Variants in PARD3 observed in about 807,000 individuals in gnomAD.
The protein encoded by PARD3 is partitioning defective 3 homolog.
PARD3 carries 75 observed loss-of-function variants against 155.4 expected under a neutral mutation model. The observed-to-expected ratio is 0.48, with a 90% CI of 0.40 to 0.58. The LOEUF (loss-of-function observed/expected upper bound fraction) is 0.58. PARD3 is among the 20% of genes least tolerant of loss of function. The pLI is 0.00. For synonymous variants in PARD3, 576 were observed against 610.5 expected, an observed-to-expected ratio of 0.94 and a Z score of 0.83; for missense variants, 1,642 against 1,721.7, an observed-to-expected ratio of 0.95 and a Z score of 0.82.
rs191179514 is a variant in PARD3 at position 34,619,204 on chromosome 10, C to T, written c.222+77114G>A. 2.6e-5 allele frequency among the ~76,000 whole-genome samples: 4 copies of T among 152,182 alleles called. No individual in the cohort carries two copies. The East Asian group carries it at 5.8e-4, about 22-fold the overall frequency. ...TAGCTGAAATTACAGGCATGCACCA[C>T]CACGCCTGGCTAAATTTTGTATTTT... On this transcript the variant is annotated intron_variant, in intron 2 of 24. Coordinates refer to ENST00000374788, the MANE Select transcript of PARD3 (RefSeq NM_001184785.2).
intron 2 of PARD3, among the ~76,000 whole-genome samples, chr10:34,609,892 C>G (rs72798446): frequency 0.035 from 5,401 of 152,204 alleles, 160 homozygotes; most frequent in Non-Finnish European, 0.052. Context: ...AGGCAATAAA[C>G]TATGAGACGA....
At chr10:34,597,780 C>A (rs771488131) in intron 2 of PARD3, among the ~76,000 whole-genome samples, 3 of 152,014 alleles carry the variant, frequency 2.0e-5, no homozygotes, top group Non-Finnish European at 4.4e-5. Flanking sequence ...ACACCTTGAC[C>A]CTGGCTGATT....
chr10:34,527,816 C>T (rs112605179), intron 2 of PARD3, among the ~76,000 whole-genome samples: 5 of 152,226 alleles, frequency 3.3e-5, no homozygotes, highest in African/African-American at 1.2e-4. Flanking sequence ...TTTTTAAATA[C>T]CCACCCAGGG....
intron 22 of PARD3, among the ~76,000 whole-genome samples, chr10:34,224,389 C>T (rs562459469): frequency 1.3e-5 from 2 of 152,284 alleles, no homozygotes; most frequent in East Asian, 3.9e-4. Context: ...ACTGAAACTC[C>T]CCCTCAGGGG....
At chr10:34,292,571 T>C (rs1367610629) in intron 20 of PARD3, among the ~76,000 whole-genome samples, 1 of 152,176 alleles carries the variant, frequency 6.6e-6, no homozygotes, top group East Asian at 1.9e-4. Flanking sequence ...TTGGTGGAGT[T>C]TGGCAGAGGT....
chr10:34,583,427 T>G (rs2087687725), intron 2 of PARD3, among the ~76,000 whole-genome samples: 1 of 152,160 alleles, frequency 6.6e-6, no homozygotes, highest in African/African-American at 2.4e-5. Flanking sequence ...TCTCTGGGTT[T>G]TAATTTTTGT....
At chr10:34,757,332 G>A (rs1482703614) in intron 1 of PARD3, among the ~76,000 whole-genome samples, 2 of 152,202 alleles carry the variant, frequency 1.3e-5, no homozygotes, top group African/African-American at 4.8e-5. Context: ...AAATAACTGT[G>A]AGGTGTGACA....
At chr10:34,218,496 C>T (rs1952117572) in intron 22 of PARD3, among the ~76,000 whole-genome samples, 2 of 152,142 alleles carry the variant, frequency 1.3e-5, no homozygotes, top group African/African-American at 4.8e-5. Flanking sequence ...CAACCCTCCA[C>T]AAACCTACTC....
chr10:34,807,532 A>T (rs1419912975), intron 1 of PARD3, among the ~76,000 whole-genome samples: 2 of 152,210 alleles, frequency 1.3e-5, no homozygotes, highest in East Asian at 3.8e-4. Flanking sequence ...CCAAACTCCC[A>T]GTCCTAGCGG....
At chr10:34,246,494 A>C (rs1033895857) in intron 22 of PARD3, among the ~76,000 whole-genome samples, 4 of 152,112 alleles carry the variant, frequency 2.6e-5, no homozygotes, top group African/African-American at 9.7e-5. Flanking sequence ...AGTTGAGGGG[A>C]CAGAATTATG....
At position 34,377,484 on chromosome 10, in the gene PARD3, G is replaced by T. The variant is rs1244881844; in HGVS notation, c.1539+483C>A. 2.6e-5 allele frequency among the ~76,000 whole-genome samples: 4 copies of T among 152,166 alleles called. No individual in the cohort carries two copies. The East Asian group carries it at 7.7e-4, about 29-fold the overall frequency. ...GCACGCCTGTAGTCCCAGCTACCAG[G>T]GGGGCTGAGGCAGGAGAATCACTTG... On this transcript the variant is annotated intron_variant, in intron 10 of 24. Transcript: ENST00000374788.
At chr10:34,133,707 A>G (rs1272625547) in intron 22 of PARD3, among the ~76,000 whole-genome samples, 1 of 152,206 alleles carries the variant, frequency 6.6e-6, no homozygotes, top group Non-Finnish European at 1.5e-5. Flanking sequence ...AAATTCTCAA[A>G]CGGACATAAG....
rs145853067 is a variant in PARD3 at position 34,624,329 on chromosome 10, CTG to C, written c.222+71987_222+71988del. 1.2e-3 allele frequency among the ~76,000 whole-genome samples: 187 copies of C among 152,250 alleles called. 1 individual carries two copies. The highest frequency in any genetic ancestry group is 4.1e-3 in the African/African-American group (172 of 41,528). ...TGATGTTTTGACCCTCATCCCACAG[CTG>C]TGAGGAAAGAACTTATTGAAAGAAA... On this transcript the variant is annotated intron_variant, in intron 2 of 24. Coordinates refer to ENST00000374788, the MANE Select transcript of PARD3 (RefSeq NM_001184785.2).
chr10:34,666,777 T>TAAA (rs771593408), intron 2 of PARD3, among the ~76,000 whole-genome samples: 1 of 17,058 alleles, frequency 5.9e-5, no homozygotes, highest in Non-Finnish European at 1.3e-4. Flanking sequence ...CCCCTCCCCC[T>TAAA]AAAAAAAAAA....
intron 10 of PARD3, among the ~76,000 whole-genome samples, chr10:34,376,419 A>G (rs913955054): frequency 2.0e-5 from 3 of 152,162 alleles, no homozygotes; most frequent in Non-Finnish European, 2.9e-5. Flanking sequence ...AAAAGGACAG[A>G]TATTTTTTTG....
intron 15 of PARD3, chr10:34,344,732 G>A (rs2134340698): frequency 1.0e-6 from 1 of 985,386 alleles, no homozygotes; most frequent in East Asian, 1.1e-4. Flanking sequence ...CATGATTGTG[G>A]AAATTCTGTC....
chr10:34,253,609 G>C (rs1012529138), intron 22 of PARD3, among the ~76,000 whole-genome samples: 5 of 152,152 alleles, frequency 3.3e-5, no homozygotes, highest in Admixed American at 6.5e-5. Flanking sequence ...TCAGCTACCT[G>C]AGGTTTCAGG....
At chr10:34,783,107 T>C (rs1840464661) in intron 1 of PARD3, among the ~76,000 whole-genome samples, 3 of 152,168 alleles carry the variant, frequency 2.0e-5, no homozygotes, top group South Asian at 4.1e-4. Flanking sequence ...TTGAGTCAAG[T>C]TGAATTTACT....
intron 2 of PARD3, among the ~76,000 whole-genome samples, chr10:34,636,357 G>A (rs995922069): frequency 6.6e-6 from 1 of 152,064 alleles, no homozygotes; most frequent in Non-Finnish European, 1.5e-5. Flanking sequence ...CCTCCATCCG[G>A]GCTCGGGGCT....
Sources: gnomAD v4.1 joint callset for allele counts (sites outside exome capture counted in the v4.1 genomes callset) on GRCh38, gnomAD v4.1.1 for gene constraint, MANE v1.5 for transcripts, NCBI Gene and HGNC (gene_info 2026-07-23, HGNC 2026-07-21) for gene names.